The following POGLUT2 variants were observed in gnomAD, a reference collection of about 807,000 sequenced individuals.
The protein encoded by POGLUT2 is protein O-glucosyltransferase 2.
Under a neutral mutation model 57.6 loss-of-function variants are expected in POGLUT2, and 47 were observed. The observed-to-expected ratio is 0.82, with a 90% confidence interval of 0.65 to 1.04. The LOEUF is 1.04. Among genes scored for constraint, POGLUT2 ranks in the 50% least tolerant of loss-of-function variants. POGLUT2 has a pLI of 0.00. For synonymous variants in POGLUT2, 200 were observed against 218.8 expected (o/e 0.91, Z 0.76); for missense variants, 565 against 614.8 (o/e 0.92, Z 0.86).
intron 2 of POGLUT2, among the ~76,000 whole-genome samples, chr13:102,794,920 G>T (rs1292499442): frequency 6.7e-6 from 1 of 148,640 alleles, no homozygotes; most frequent in African/African-American, 2.5e-5. Flanking sequence ...AATAAACAAG[G>T]AACTGCTATT....
intron 7 of POGLUT2, among the ~76,000 whole-genome samples, chr13:102,788,247 G>A (rs182130954): frequency 1.3e-5 from 2 of 152,306 alleles, no homozygotes; most frequent in Admixed American, 1.3e-4. Context: ...CAAATTTCAG[G>A]AGACAATTAG....
chr13:102,791,113 G>T lies in POGLUT2; in HGVS notation c.871C>A (p.Gln291Lys). The part of the protein sequence containing the change: ...GRVSLDMMSV[Q>K]ANTGPPWESK... ...TCCCAGGGAGGACCCGTGTTAGCTT[G>T]CACGGACATCATATCCAGACTTACC... The change falls in exon 6 of 10, where the codon CAA (glutamine) becomes AAA (lysine). Residue 291 changes from glutamine to lysine, a missense_variant. Transcript: ENST00000376004. The T allele has an allele frequency of 6.2e-7, 1 of 1,614,072 alleles. No individual in the cohort carries two copies. Among genetic ancestry groups the T allele is most frequent in the Non-Finnish European group, 8.5e-7 (1 of 1,179,934 alleles).
chr13:102,785,510 C>T (rs1433732962), intron 9 of POGLUT2, among the ~76,000 whole-genome samples: 1 of 151,628 alleles, frequency 6.6e-6, no homozygotes, highest in Non-Finnish European at 1.5e-5. Context: ...ATGCAATTTA[C>T]ATTCCTTCAA....
intron 9 of POGLUT2, among the ~76,000 whole-genome samples, chr13:102,784,786 A>C (rs1264234887): frequency 6.6e-6 from 1 of 152,228 alleles, no homozygotes; most frequent in Non-Finnish European, 1.5e-5. Context: ...AGACTAGGAT[A>C]GACAATGAGC....
At chr13:102,788,509 G>A (rs1376566505) in intron 7 of POGLUT2, among the ~76,000 whole-genome samples, 3 of 152,156 alleles carry the variant, frequency 2.0e-5, no homozygotes, top group South Asian at 2.1e-4. Flanking sequence ...TGTTTGAGAC[G>A]GAGTTTTGCT....
At chr13:102,797,870 G>C (rs1878486613) in intron 1 of POGLUT2, among the ~76,000 whole-genome samples, 1 of 151,870 alleles carries the variant, frequency 6.6e-6, no homozygotes, top group Non-Finnish European at 1.5e-5. Flanking sequence ...ATTTTTTTCT[G>C]TATGAAATAC....
chr13:102,791,402 A>G lies in POGLUT2; in HGVS notation c.701T>C (p.Val234Ala), dbSNP rs770900624. The change falls in exon 5 of 10, where the codon GTT becomes GCT. Residue 234 changes from valine to alanine, a missense_variant. Physicochemically the swap from Val to Ala is moderately conservative, Grantham distance 64. Transcript: ENST00000376004. ...TTCCAAAGGCCAGTCTCCCAAATTA[A>G]CAAAGAGCTCCACATCTGGCATCTT... ...KVKMPDVELFVNLGDWPLEKK... is the reference protein window; with the variant it reads ...KVKMPDVELFANLGDWPLEKK... 1 of 1,600,554 alleles carries G rather than the reference A, an allele frequency of 6.2e-7. No individual in the cohort carries two copies. Among genetic ancestry groups the G allele is most frequent in the African/African-American group, 1.4e-5 (1 of 73,812 alleles).
Position 102,798,971 on chromosome 13 carries a change from T to A in POGLUT2, c.-301A>T. ...TTGAGTTGCTCCTGCCACTGGAGCA[T>A]CATTTGGGAGCGAATCCGTCTCAGG... On this transcript the variant is annotated 5_prime_UTR_variant, in exon 1 of 10. The change abolishes an upstream ATG in the 5' untranslated region. Transcript: ENST00000376004. 2.4e-6 allele frequency: 1 copy of A among 411,246 alleles called. No homozygotes were observed. 25.5% of individuals were successfully genotyped at this position (411,246 alleles called of 1,614,324 possible). A position where few individuals can be genotyped will look rare whatever the true frequency, so the allele number is the denominator to read the frequency against.
chr13:102,795,854 A>G (rs1042103763), intron 2 of POGLUT2, among the ~76,000 whole-genome samples: 6 of 152,120 alleles, frequency 3.9e-5, no homozygotes, highest in African/African-American at 1.2e-4. Context: ...TAAAAAAAAA[A>G]AAGTTTACTT....
chr13:102,791,175 C>G (rs1312414145), intron 5 of POGLUT2, 37 bp from the exon 6 acceptor site: 1 of 1,608,818 alleles, frequency 6.2e-7, no homozygotes, highest in South Asian at 1.1e-5. Flanking sequence ...CCTCCCAAAT[C>G]ATCATATCAC....
intron 8 of POGLUT2, among the ~76,000 whole-genome samples, chr13:102,787,540 C>T (rs553222205): frequency 6.6e-6 from 1 of 152,320 alleles, no homozygotes; most frequent in Non-Finnish European, 1.5e-5. Flanking sequence ...ACAAAGAGAA[C>T]ATACAAATCC....
intron 8 of POGLUT2, 72 bp from the exon 9 acceptor site, chr13:102,786,411 A>G (rs1235173671): frequency 1.1e-6 from 1 of 941,972 alleles, no homozygotes; most frequent in Non-Finnish European, 1.7e-6. Flanking sequence ...AGGCTAGAAT[A>G]TATGAAGACT....
At chr13:102,797,170 G>T (rs928237669) in intron 1 of POGLUT2, among the ~76,000 whole-genome samples, 161 bp from the exon 2 acceptor site, 1 of 152,106 alleles carries the variant, frequency 6.6e-6, no homozygotes, top group Admixed American at 6.5e-5. Flanking sequence ...GAATGAATAT[G>T]ATGGATCAGA....
intron 6 of POGLUT2, among the ~76,000 whole-genome samples, chr13:102,789,834 G>A (rs1043468205): frequency 1.3e-5 from 2 of 152,220 alleles, no homozygotes; most frequent in African/African-American, 4.8e-5. Context: ...TGGAACTCAG[G>A]TGATCTGCCT....
In POGLUT2 at chr13:102,797,004, G is replaced by A. The variant is rs370016788; in HGVS notation, c.188C>T (p.Thr63Ile). The change falls in exon 2 of 10, where the codon ACA becomes ATA. Residue 63 changes from threonine (T) to isoleucine (I), a missense_variant. Coordinates refer to ENST00000376004, the MANE Select transcript of POGLUT2 (RefSeq NM_024089.3). ...GAAGACCTTTTCGCCTGGAGAAGATGTGAATCTGTGATGAAAAGGCAATGG... is the reference window on the plus strand; with the variant it reads ...GAAGACCTTTTCGCCTGGAGAAGATATGAATCTGTGATGAAAAGGCAATGG... ...QAVDTSGNKFTSSPGEKVFQV... is the reference protein window; with the variant it reads ...QAVDTSGNKFISSPGEKVFQV... 6.2e-7 allele frequency: 1 copy of A among 1,610,840 alleles called. No homozygotes were observed. The highest frequency in any genetic ancestry group is 8.5e-7 in the Non-Finnish European group (1 of 1,178,144).
Position 102,789,128 on chromosome 13 carries a change from T to G in POGLUT2, c.1177A>C (p.Ile393Leu). 1 of 1,614,164 alleles carries G rather than the reference T, an allele frequency of 6.2e-7. No homozygotes were observed. Among genetic ancestry groups the G allele is most frequent in the African/African-American group, 1.3e-5 (1 of 75,060 alleles). Residue 393 changes from isoleucine (I) to leucine (L), a missense_variant, in exon 7 of 10, where the codon ATC (isoleucine) becomes CTC (leucine). Ile to Leu is a conservative substitution (Grantham distance 5). Coordinates refer to ENST00000376004, the MANE Select transcript of POGLUT2 (RefSeq NM_024089.3). ...GDSVVLKQDS[I>L]YYEHFYNELQ... ...TCATTGTAAAAATGTTCATAGTAGA[T>G]GGAATCCTGCTTCAGCACAACACTG... is the stretch of plus-strand genomic sequence containing the variant.
chr13:102,786,749 T>C (rs1027356660), intron 8 of POGLUT2, among the ~76,000 whole-genome samples: 2 of 152,188 alleles, frequency 1.3e-5, no homozygotes, highest in Non-Finnish European at 2.9e-5. Context: ...AGTGAAGCAC[T>C]GTGCTAAGTA....
In POGLUT2 at chr13:102,791,296, C is replaced by A. The variant is rs746820481; in HGVS notation, c.807G>T (p.Thr269=). Residue 269 remains threonine (T), a synonymous_variant, in exon 5 of 10, where the codon ACG becomes ACT. Coordinates refer to ENST00000376004, the MANE Select transcript of POGLUT2 (RefSeq NM_024089.3). Reference sequence around the variant, plus strand: ...CCAGAACAGAATCAGTCAAATCGTACGTAGGCATCACGATATCCTTGGAAT... The same window carrying A: ...CCAGAACAGAATCAGTCAAATCGTAAGTAGGCATCACGATATCCTTGGAAT... ...STDSKDIVMP[T]YDLTDSVLET... 1.4e-5 allele frequency: 23 copies of A among 1,609,726 alleles called. No individual in the cohort carries two copies. Among genetic ancestry groups the A allele is most frequent in the Non-Finnish European group, 2.0e-5 (23 of 1,178,950 alleles).
intron 2 of POGLUT2, among the ~76,000 whole-genome samples, chr13:102,796,595 C>A (rs924077134): frequency 4.7e-5 from 7 of 149,328 alleles, no homozygotes; most frequent in African/African-American, 1.7e-4. Context: ...TTTAGCAAAT[C>A]AGAATTTCCG....
Sources: allele counts gnomAD v4.1 joint callset (sites outside exome capture counted in the v4.1 genomes callset), GRCh38; gene constraint gnomAD v4.1.1; transcripts MANE v1.5; gene names NCBI Gene and HGNC (gene_info 2026-07-23, HGNC 2026-07-21).